ADAM32: variants seen among roughly 807,000 people sequenced by gnomAD.
ADAM32 encodes ADAM metallopeptidase domain 32.
A neutral mutation model predicts 114.9 loss-of-function variants in ADAM32; 89 were observed. The observed-to-expected ratio is 0.77, with a 90% CI of 0.65 to 0.92. The LOEUF (loss-of-function observed/expected upper bound fraction) is 0.92. Ranked by LOEUF, ADAM32 falls within the 40% of genes least tolerant of loss-of-function variation. ADAM32 has a pLI of 0.00. For missense variants in ADAM32, 870 were observed against 932.8 expected, an observed-to-expected ratio of 0.93 and a Z score of 0.88; for synonymous variants, 285 against 307.5, an observed-to-expected ratio of 0.93 and a Z score of 0.77.
At position 39,211,151 on chromosome 8, in the gene ADAM32, A is replaced by G; in HGVS notation, c.1060A>G (p.Asn354Asp). The change falls in exon 12 of 25, where the codon AAT becomes GAT. Residue 354 changes from asparagine to aspartate, a missense_variant. Asn to Asp is a conservative substitution (Grantham distance 23). Coordinates refer to ENST00000379907, the MANE Select transcript of ADAM32 (RefSeq NM_145004.7). ...CIMNPEVVQS[N>D]GVKTFSSCSL... Reference sequence around the variant, plus strand: ...ATATGGATTCATCTTTAGGCAATCCAATGGTGTGAAGACTTTTAGCAGTTG... The same window carrying G: ...ATATGGATTCATCTTTAGGCAATCCGATGGTGTGAAGACTTTTAGCAGTTG... 6.3e-7 allele frequency: 1 copy of G among 1,578,892 alleles called. No individual in the cohort carries two copies. The highest frequency in any genetic ancestry group is 1.4e-5 in the African/African-American group (1 of 73,216).
At chr8:39,252,628 G>A (rs1811376055) in intron 17 of ADAM32, among the ~76,000 whole-genome samples, 1 of 151,122 alleles carries the variant, frequency 6.6e-6, no homozygotes, top group African/African-American at 2.4e-5. Context: ...CAAAATCAAG[G>A]AAATTAAGAG....
At chr8:39,210,100 G>A (rs1207122622) in intron 11 of ADAM32, among the ~76,000 whole-genome samples, 1 of 152,176 alleles carries the variant, frequency 6.6e-6, no homozygotes, top group Non-Finnish European at 1.5e-5. Flanking sequence ...CTGGGGTGAT[G>A]AATTTTCTTC....
intron 1 of ADAM32, among the ~76,000 whole-genome samples, chr8:39,113,594 G>T (rs1327899488): frequency 6.6e-6 from 1 of 152,082 alleles, no homozygotes; most frequent in Non-Finnish European, 1.5e-5. Flanking sequence ...TCAGCATGCT[G>T]CAACCACTGG....
At chr8:39,171,581 A>G (rs963837863) in intron 10 of ADAM32, among the ~76,000 whole-genome samples, 2 of 152,126 alleles carry the variant, frequency 1.3e-5, no homozygotes, top group Non-Finnish European at 2.9e-5. Flanking sequence ...TGTTTAAACT[A>G]TAGATATACA....
Position 39,213,418 on chromosome 8 carries a change from C to T in ADAM32, c.1233+2094C>T, listed in dbSNP as rs774272936. 5.6e-3 allele frequency among the ~76,000 whole-genome samples: 857 copies of T among 152,138 alleles called. 4 individuals carry two copies. The highest frequency in any genetic ancestry group is 9.2e-3 in the Admixed American group (141 of 15,282). Reference sequence around the variant, plus strand: ...TCCCTACTGTACTATTGAGTGCTAGCACTAATCCCTTCCATTTACCTGTAT... The same window carrying T: ...TCCCTACTGTACTATTGAGTGCTAGTACTAATCCCTTCCATTTACCTGTAT... On this transcript the variant is annotated intron_variant, in intron 12 of 24. Transcript: ENST00000379907.
chr8:39,197,155 T>C (rs186985863), intron 11 of ADAM32, among the ~76,000 whole-genome samples: 87 of 150,450 alleles, frequency 5.8e-4, no homozygotes, highest in African/African-American at 2.1e-3. Flanking sequence ...ATTCTAATGA[T>C]TTTTTGTATT....
Position 39,165,444 on chromosome 8 carries a change from G to A in ADAM32, c.833+248G>A, listed in dbSNP as rs1034567201. Reference sequence around the variant, plus strand: ...AGTTTCAAGAGGTTAAGCCATCTCAGGACTCTTGGATCTGGTGGTACTACT... The same window carrying A: ...AGTTTCAAGAGGTTAAGCCATCTCAAGACTCTTGGATCTGGTGGTACTACT... On this transcript the variant is annotated intron_variant, in intron 9 of 24. Transcript: ENST00000379907. The A allele has an allele frequency of 2.1e-4, 61 of 292,914 alleles. No homozygotes were observed. The Middle Eastern group carries it at 3.0e-3, about 15-fold the overall frequency. 18.1% of individuals were successfully genotyped at this position (292,914 alleles called of 1,614,324 possible). A position where few individuals can be genotyped will look rare whatever the true frequency, so the allele number is the denominator to read the frequency against.
intron 17 of ADAM32, among the ~76,000 whole-genome samples, chr8:39,249,070 AT>A (rs1395190845): frequency 1.3e-5 from 2 of 151,156 alleles, no homozygotes; most frequent in Non-Finnish European, 1.5e-5. Context: ...TGCCCGGATA[AT>A]TTTTTTGTAT....
chr8:39,117,838 G>A (rs1190424186), intron 1 of ADAM32, among the ~76,000 whole-genome samples: 1 of 151,816 alleles, frequency 6.6e-6, no homozygotes, highest in East Asian at 1.9e-4. Context: ...GATTTTTTTG[G>A]TGTGTATTTT....
rs1810898178 is a variant in ADAM32, at chr8:39,246,085, T to C, written c.1821T>C (p.Val607=). 6.2e-7 allele frequency: 1 copy of C among 1,613,328 alleles called. No homozygotes were observed. The highest frequency in any genetic ancestry group is 8.5e-7 in the Non-Finnish European group (1 of 1,179,450). Residue 607 remains valine, a splice_region_variant and synonymous_variant, in exon 17 of 25, where the codon GTT becomes GTC. Coordinates refer to ENST00000379907, the MANE Select transcript of ADAM32 (RefSeq NM_145004.7). ...KNGSQCDIGR[V]CVNRECVESR... ...TTTTTGTATGTGTTTTTCTTTAGGT[T>C]TGTGTAAATCGTGAATGTGTAGAAT...
At chr8:39,279,618 T>G (rs888177158) in intron 22 of ADAM32, among the ~76,000 whole-genome samples, 2 of 152,196 alleles carry the variant, frequency 1.3e-5, no homozygotes, top group Admixed American at 1.3e-4. Flanking sequence ...CTTCATGTAT[T>G]ACATCTTTCT....
rs1810732931 is a variant in ADAM32 at position 39,244,021 on chromosome 8, A to G, written c.1819-2062A>G. 2.0e-5 allele frequency among the ~76,000 whole-genome samples: 3 copies of G among 152,318 alleles called. No homozygotes were observed. In the South Asian group the frequency reaches 6.2e-4, roughly 32 times the overall value. ...AAGCTGAGAATCAAATCAAGAATTC[A>G]ACCCCTTTTATGGTAGGTGCAACAA... On this transcript the variant is annotated intron_variant, in intron 16 of 24. Transcript: ENST00000379907.
In ADAM32 at chr8:39,234,420, CT is replaced by C. The variant is rs536094942; in HGVS notation, c.1818+340del. Among the ~76,000 whole-genome samples, 267 of 152,226 alleles carry C rather than the reference CT, an allele frequency of 1.8e-3. 1 individual carries two copies. Among genetic ancestry groups the C allele is most frequent in the African/African-American group, 6.2e-3 (259 of 41,532 alleles). ...CTGGGAGAAGAAAGAAGAAATCTCA[CT>C]TAGTAACATAAATCTCTTTGTGGCC... is the stretch of plus-strand genomic sequence containing the variant. On this transcript the variant is annotated intron_variant, in intron 16 of 24. Coordinates refer to ENST00000379907, the MANE Select transcript of ADAM32 (RefSeq NM_145004.7).
At chr8:39,141,920 A>G (rs1291050993) in intron 3 of ADAM32, among the ~76,000 whole-genome samples, 2 of 152,148 alleles carry the variant, frequency 1.3e-5, no homozygotes, top group African/African-American at 4.8e-5. Context: ...CTTCTTGTTG[A>G]ATAGATCCCT....
chr8:39,268,746 C>T (rs544525013), intron 19 of ADAM32, among the ~76,000 whole-genome samples: 28 of 152,226 alleles, frequency 1.8e-4, no homozygotes, highest in African/African-American at 6.0e-4. Context: ...AGATCTATAT[C>T]TAATTTGAAT....
chr8:39,142,342 G>A (rs138730235), intron 3 of ADAM32, among the ~76,000 whole-genome samples: 35,246 of 152,096 alleles, frequency 0.23, 4,762 homozygotes, highest in Non-Finnish European at 0.29. Context: ...GGTTGGTACC[G>A]GCTGTTCCTT....
At chr8:39,133,027 T>G (rs1041304347) in intron 2 of ADAM32, among the ~76,000 whole-genome samples, 1 of 152,228 alleles carries the variant, frequency 6.6e-6, no homozygotes, top group African/African-American at 2.4e-5. Context: ...TGAATGGTTT[T>G]GGCCATTATT....
intron 18 of ADAM32, among the ~76,000 whole-genome samples, chr8:39,255,738 C>T (rs1485676556): frequency 6.6e-6 from 1 of 151,724 alleles, no homozygotes; most frequent in Non-Finnish European, 1.5e-5. Context: ...TAATTAAGTC[C>T]CTTCTATTTA....
intron 4 of ADAM32, among the ~76,000 whole-genome samples, chr8:39,149,007 T>C (rs1395309423): frequency 6.6e-6 from 1 of 152,166 alleles, no homozygotes. Flanking sequence ...AGATGTTCCA[T>C]GAGTGTTTAG....
Sources: gnomAD v4.1 joint callset for allele counts (sites outside exome capture counted in the v4.1 genomes callset) on GRCh38, gnomAD v4.1.1 for gene constraint, MANE v1.5 for transcripts, NCBI Gene and HGNC (gene_info 2026-07-23, HGNC 2026-07-21) for gene names.